Variants in UTRN observed in about 807,000 individuals in gnomAD.
The protein encoded by UTRN is dystrophin-related protein 1.
A neutral mutation model predicts 463.9 loss-of-function variants in UTRN; 283 were observed. The ratio of observed to expected loss-of-function variants is 0.61; its 90% confidence interval spans 0.55 to 0.67. UTRN has a LOEUF of 0.67. Ranked by LOEUF, UTRN falls within the 30% of genes least tolerant of loss-of-function variation. UTRN has a pLI of 0.00. For missense variants in UTRN, 3,922 were observed against 4,084.3 expected (o/e 0.96, Z 1.08); for synonymous variants, 1,442 against 1,431.5 (o/e 1.01, Z -0.17).
chr6:144,459,473 G>A, intron 21 of UTRN, 119 bp downstream of exon 21: 1 of 1,135,112 alleles, frequency 8.8e-7, no homozygotes, highest in Non-Finnish European at 1.2e-6. Context: ...ATTTTCCTTT[G>A]TGCCTGTATT....
intron 2 of UTRN, among the ~76,000 whole-genome samples, chr6:144,326,779 T>C (rs1272631231): frequency 6.6e-6 from 1 of 152,192 alleles, no homozygotes; most frequent in African/African-American, 2.4e-5. Context: ...CCTCACAGAA[T>C]CTTAGATCTG....
At chr6:144,646,191 GC>G in intron 51 of UTRN, among the ~76,000 whole-genome samples, 1 of 152,204 alleles carries the variant, frequency 6.6e-6, no homozygotes, top group South Asian at 2.1e-4. Flanking sequence ...ATTCTATTCG[GC>G]TTGAAAAGTT....
Position 144,678,563 on chromosome 6 carries a change from A to ATAGATAATGCAAGTGTTAGGAATCAGTAT in UTRN, c.7637_7638insTAGATAATGCAAGTGTTAGGAATCAGTAT (p.Lys2546AsnfsTer3). 6.2e-7 allele frequency: 1 copy of ATAGATAATGCAAGTGTTAGGAATCAGTAT among 1,611,080 alleles called. No homozygotes were observed. On this transcript the variant is annotated stop_gained and frameshift_variant, in exon 52 of 75. Coordinates refer to ENST00000367545, the MANE Select transcript of UTRN (RefSeq NM_007124.3). LOFTEE classifies it high-confidence loss of function. ...CAAAGATGGAATGACTTAAAAGCAA[A>ATAGATAATGCAAGTGTTAGGAATCAGTAT]ATCTGCTAGCATCAGGTCAGAATAG...
At chr6:144,656,069 A>G (rs771428330) in intron 51 of UTRN, among the ~76,000 whole-genome samples, 1 of 152,110 alleles carries the variant, frequency 6.6e-6, no homozygotes, top group African/African-American at 2.4e-5. Context: ...CTCTATGTCT[A>G]TGTTTGAAAC....
chr6:144,315,744 C>T (rs970845205), intron 2 of UTRN, among the ~76,000 whole-genome samples: 9 of 152,184 alleles, frequency 5.9e-5, no homozygotes, highest in East Asian at 5.8e-4. Flanking sequence ...ACCTTGGCCT[C>T]GTGCCTTTAT....
rs566621040 is a variant in UTRN at position 144,801,773 on chromosome 6, C to T, written c.9246-1263C>T. ...AATCCAAGACTGTTCTCTGTGACCA[C>T]CTGGGCCCTTAGCTCTGTTTTCATG... On this transcript the variant is annotated intron_variant, in intron 64 of 74. Coordinates refer to ENST00000367545, the MANE Select transcript of UTRN (RefSeq NM_007124.3). Among the ~76,000 whole-genome samples the T allele has an allele frequency of 2.2e-3, 337 of 152,250 alleles. 1 individual carries two copies. Among genetic ancestry groups the T allele is most frequent in the African/African-American group, 7.6e-3 (317 of 41,542 alleles).
At chr6:144,609,646 T>C (rs1805259364) in intron 51 of UTRN, among the ~76,000 whole-genome samples, 1 of 152,150 alleles carries the variant, frequency 6.6e-6, no homozygotes, top group African/African-American at 2.4e-5. Flanking sequence ...TAAGTGAACA[T>C]AAAATAATCT....
At chr6:144,687,014 G>A (rs1782837311) in intron 52 of UTRN, among the ~76,000 whole-genome samples, 1 of 152,086 alleles carries the variant, frequency 6.6e-6, no homozygotes, top group African/African-American at 2.4e-5. Flanking sequence ...CTGTTCTGGG[G>A]CATAATGACC....
chr6:144,485,326 A>G, intron 27 of UTRN, 59 bp from the exon 28 acceptor site: 1 of 1,604,294 alleles, frequency 6.2e-7, no homozygotes, highest in South Asian at 1.1e-5. Context: ...AATGTGTAGT[A>G]CTAGAGATAC....
chr6:144,494,294 A>G (rs1793367970), intron 33 of UTRN, among the ~76,000 whole-genome samples: 1 of 152,136 alleles, frequency 6.6e-6, no homozygotes, highest in Non-Finnish European at 1.5e-5. Flanking sequence ...TTCCTGGCTC[A>G]GGAGTGACGC....
chr6:144,495,316 G>A (rs961564061), intron 33 of UTRN, among the ~76,000 whole-genome samples: 2 of 152,252 alleles, frequency 1.3e-5, no homozygotes, highest in Non-Finnish European at 1.5e-5. Context: ...CTAAGGCCCG[G>A]TGAGAAATTG....
intron 51 of UTRN, among the ~76,000 whole-genome samples, chr6:144,650,649 G>A (rs1174291643): frequency 6.6e-6 from 1 of 152,162 alleles, no homozygotes; most frequent in Non-Finnish European, 1.5e-5. Context: ...CGTGGCTCAC[G>A]CCTGTAACCC....
intron 58 of UTRN, among the ~76,000 whole-genome samples, chr6:144,762,414 A>G (rs149183930): frequency 6.6e-6 from 1 of 152,334 alleles, no homozygotes; most frequent in African/African-American, 2.4e-5. Flanking sequence ...TTCATACCAT[A>G]GACGGTTACC....
chr6:144,600,534 A>G (rs2128636247), intron 51 of UTRN, among the ~76,000 whole-genome samples: 1 of 152,364 alleles, frequency 6.6e-6, no homozygotes, highest in African/African-American at 2.4e-5. Context: ...ATCCAGAGCA[A>G]TGCCCTAACT....
chr6:144,572,866 A>G (rs948696854), intron 50 of UTRN, among the ~76,000 whole-genome samples: 1 of 152,214 alleles, frequency 6.6e-6, no homozygotes, highest in Non-Finnish European at 1.5e-5. Context: ...ATACATGTGC[A>G]TGTGTCTTTA....
intron 51 of UTRN, among the ~76,000 whole-genome samples, chr6:144,665,836 T>TA (rs2128675235): frequency 6.6e-6 from 1 of 152,350 alleles, no homozygotes; most frequent in South Asian, 2.1e-4. Context: ...ACATTATACT[T>TA]ACATTGTTTT....
chr6:144,510,889 A>G (rs765811241), intron 34 of UTRN, 55 bp from the exon 35 acceptor site: 2 of 1,390,754 alleles, frequency 1.4e-6, no homozygotes, highest in Non-Finnish European at 1.9e-6. Flanking sequence ...AAGGTTGTAT[A>G]TACTTTTATA....
At chr6:144,815,097 C>G (rs1041756316) in intron 65 of UTRN, among the ~76,000 whole-genome samples, 1 of 152,174 alleles carries the variant, frequency 6.6e-6, no homozygotes, top group African/African-American at 2.4e-5. Context: ...GCCAACTGAA[C>G]TTGACCTTCA....
At chr6:144,640,053 A>AGG (rs1450698597) in intron 51 of UTRN, among the ~76,000 whole-genome samples, 1 of 151,912 alleles carries the variant, frequency 6.6e-6, no homozygotes. Flanking sequence ...GTTTTGAGAG[A>AGG]GAGAGAGATT....
Sources: allele counts gnomAD v4.1 joint callset (sites outside exome capture counted in the v4.1 genomes callset), GRCh38; gene constraint gnomAD v4.1.1; transcripts MANE v1.5; gene names NCBI Gene and HGNC (gene_info 2026-07-23, HGNC 2026-07-21).